The following THBS3 variants were observed in gnomAD, a reference collection of about 807,000 sequenced individuals.
THBS3 encodes thrombospondin 3.
THBS3 carries 78 observed loss-of-function variants against 118.3 expected under a neutral mutation model. That is an observed-to-expected ratio of 0.66 (90% CI 0.55 to 0.80). The LOEUF is 0.80. Ranked by LOEUF, THBS3 falls within the 30% of genes least tolerant of loss-of-function variation. THBS3 has a pLI of 0.00. For missense variants in THBS3, 1,057 were observed against 1,247.4 expected (o/e 0.85, Z 2.30); for synonymous variants, 427 against 475.3 (o/e 0.90, Z 1.32).
At chr1:155,201,369 C>T (rs1373747362) in intron 11 of THBS3, 48 bp downstream of exon 11, 2 of 1,571,146 alleles carry the variant, frequency 1.3e-6, no homozygotes, top group Non-Finnish European at 1.7e-6. Flanking sequence ...AGCCCTACTC[C>T]TTTCCCCAGA....
Position 155,202,514 on chromosome 1 carries a change from A to G in THBS3, c.958-113T>C. 1.4e-6 allele frequency: 2 copies of G among 1,444,492 alleles called. No individual in the cohort carries two copies. Among genetic ancestry groups the G allele is most frequent in the South Asian group, 2.7e-5 (2 of 75,126 alleles). The allele number at this position is 1,444,492 out of a possible 1,614,324, so 89.5% of individuals were successfully genotyped here. ...CTCCCCTTTGTGCAGCTCTCCCCAC[A>G]CAACTGCCTTGTGCTCCTGGTCCCC... On this transcript the variant is annotated intron_variant, in intron 8 of 22. Transcript: ENST00000368378. The surrounding 1 kb of genome is among the most constrained non-coding windows in gnomAD (Gnocchi z 5.5).
At position 155,202,006 on chromosome 1, in the gene THBS3, T is replaced by C; in HGVS notation, c.1127A>G (p.Asp376Gly). ...QVCNDIDECNDGNNGGCDPNS... is the reference protein window; with the variant it reads ...QVCNDIDECNGGNNGGCDPNS... The stretch of plus-strand genomic sequence containing the variant: ...TGGGTCACAGCCACCATTGTTGCCA[T>C]CGTTGCATTCATCGATGTCATTGCA... The change falls in exon 10 of 23, where the codon GAT becomes GGT. Residue 376 changes from aspartate (D) to glycine (G), a missense_variant. By Grantham distance (94) the Asp-to-Gly change is moderately conservative. Transcript: ENST00000368378. This position sits in a 1 kb window ranked among gnomAD's most constrained non-coding sequence, Gnocchi z 5.5. 1 of 1,614,150 alleles carries C rather than the reference T, an allele frequency of 6.2e-7. No homozygotes were observed. The highest frequency in any genetic ancestry group is 8.5e-7 in the Non-Finnish European group (1 of 1,180,020).
At chr1:155,198,658 C>T in intron 16 of THBS3, 56 bp from the exon 17 acceptor site, 1 of 1,557,202 alleles carries the variant, frequency 6.4e-7, no homozygotes, top group Non-Finnish European at 8.8e-7. Flanking sequence ...TTGTCCTTCC[C>T]TTCGCTTCTG....
intron 1 of THBS3, among the ~76,000 whole-genome samples, chr1:155,207,380 G>A (rs756683660): frequency 1.3e-5 from 2 of 152,136 alleles, no homozygotes; most frequent in Non-Finnish European, 2.9e-5. Flanking sequence ...CCAGACCTCC[G>A]GGAGAGCCCA....
At position 155,197,783 on chromosome 1, in the gene THBS3, C is replaced by T; in HGVS notation, c.2302+97G>A. ...CTTGTGCCACTGCCTTCTCTCTCGC[C>T]ACTTTGCCCATTCTCCCTGTCTGTT... On this transcript the variant is annotated intron_variant, in intron 19 of 22. Transcript: ENST00000368378. The surrounding 1 kb of genome is among the most constrained non-coding windows in gnomAD (Gnocchi z 5.0). 1 of 1,597,144 alleles carries T rather than the reference C, an allele frequency of 6.3e-7. No homozygotes were observed. The highest frequency in any genetic ancestry group is 1.3e-5 in the African/African-American group (1 of 74,652).
In THBS3 at chr1:155,195,870, G is replaced by A. The variant is rs778704348; in HGVS notation, c.2842C>T (p.Arg948Trp). Residue 948 changes from arginine to tryptophan, a missense_variant, in exon 23 of 23, where the codon CGG becomes TGG. Physicochemically the swap from Arg to Trp is moderately radical, Grantham distance 101. Coordinates refer to ENST00000368378, the MANE Select transcript of THBS3 (RefSeq NM_007112.5). Reference protein sequence around the residue: ...DTVPEDFEPFRRQLLQGRV With the variant: ...DTVPEDFEPFWRQLLQGRV ...ACCCTTCCCTGGAGCAGCTGCCTCCGGAATGGCTCAAAGTCCTCAGGCACT... is the reference window on the plus strand; with the variant it reads ...ACCCTTCCCTGGAGCAGCTGCCTCCAGAATGGCTCAAAGTCCTCAGGCACT... 2.3e-5 allele frequency: 37 copies of A among 1,613,930 alleles called. No homozygotes were observed. The highest frequency in any genetic ancestry group is 2.9e-5 in the Non-Finnish European group (34 of 1,180,002).
chr1:155,201,284 T>C, intron 11 of THBS3, 80 bp from the exon 12 acceptor site: 2 of 1,595,466 alleles, frequency 1.3e-6, no homozygotes, highest in Non-Finnish European at 1.7e-6. Flanking sequence ...TCAGGTCCTA[T>C]TCTCCCCACC....
rs977784163 is a variant in THBS3, at chr1:155,206,148, G to C, written c.286+52C>G. On this transcript the variant is annotated intron_variant, in intron 2 of 22. Transcript: ENST00000368378. The surrounding 1 kb of genome is among the most constrained non-coding windows in gnomAD (Gnocchi z 4.2). ...AAGCACTTGGGAAGTAGGGATGAGG[G>C]AGAGTGCTTAAGGAGGTCACCATTG... 2 of 1,590,018 alleles carry C rather than the reference G, an allele frequency of 1.3e-6. No individual in the cohort carries two copies. The highest frequency in any genetic ancestry group is 3.3e-5 in the Admixed American group (2 of 59,760).
intron 12 of THBS3, 24 bp downstream of exon 12, chr1:155,201,070 C>T: frequency 6.2e-7 from 1 of 1,614,166 alleles, no homozygotes; most frequent in East Asian, 2.2e-5. Flanking sequence ...CCACTACGCC[C>T]CCTTGCCCGC....
At chr1:155,208,331 A>G (rs1388988766), upstream of THBS3, among the ~76,000 whole-genome samples, 1 of 152,218 alleles carries the variant, frequency 6.6e-6, no homozygotes, top group Non-Finnish European at 1.5e-5. Context: ...GGATGCCCAC[A>G]TGGCATGAAT....
At chr1:155,203,794 G>A (rs747530193) in intron 4 of THBS3, among the ~76,000 whole-genome samples, 33 of 152,088 alleles carry the variant, frequency 2.2e-4, no homozygotes, top group Non-Finnish European at 2.2e-4. Context: ...CATGGTAGTG[G>A]CAGAAGGGAT....
rs528102610 is a variant in THBS3 at position 155,206,672 on chromosome 1, C to A, written c.80-266G>T. ...TCTACTAAAAATACAAAAACAACAA[C>A]AAAAAAGAAAAAAAAACCACCTAGC... On this transcript the variant is annotated intron_variant, in intron 1 of 22. Transcript: ENST00000368378. This position sits in a 1 kb window ranked among gnomAD's most constrained non-coding sequence, Gnocchi z 4.2. Among the ~76,000 whole-genome samples the A allele has an allele frequency of 2.0e-5, 3 of 151,154 alleles. No homozygotes were observed. The highest frequency in any genetic ancestry group is 4.4e-5 in the Non-Finnish European group (3 of 67,718).
In THBS3 at chr1:155,201,123, A is replaced by AG; in HGVS notation, c.1410dup (p.Cys471LeufsTer25). 6.2e-7 allele frequency: 1 copy of AG among 1,614,188 alleles called. No individual in the cohort carries two copies. The highest frequency in any genetic ancestry group is 8.5e-7 in the Non-Finnish European group (1 of 1,180,038). On this transcript the variant is annotated frameshift_variant, in exon 12 of 23. Coordinates refer to ENST00000368378, the MANE Select transcript of THBS3 (RefSeq NM_007112.5). LOFTEE classifies it high-confidence loss of function. ...TTGCAGTGTTTGTTGTTGTCCATGC[A>AG]GGGCAGTGCTTGGTCTGGGTAGCCA...
In THBS3 at chr1:155,195,588, T is replaced by A; in HGVS notation, c.*253A>T. On this transcript the variant is annotated 3_prime_UTR_variant, in exon 23 of 23. Coordinates refer to ENST00000368378, the MANE Select transcript of THBS3 (RefSeq NM_007112.5). ...CCCTAAAATAAGCAGTTGCACTGGC[T>A]TAGAAAACAACCAAAACTTTATGGC... 2.2e-6 allele frequency: 1 copy of A among 448,858 alleles called. No individual in the cohort carries two copies. The highest frequency in any genetic ancestry group is 4.1e-6 in the Non-Finnish European group (1 of 244,684). 27.8% of individuals were successfully genotyped at this position (448,858 alleles called of 1,614,324 possible).
intron 3 of THBS3, 28 bp downstream of exon 3, chr1:155,205,032 C>G (rs764934276): frequency 6.2e-7 from 1 of 1,612,892 alleles, no homozygotes; most frequent in Non-Finnish European, 8.5e-7. Flanking sequence ...TCTATTTCCA[C>G]AGAACTCAGA....
chr1:155,207,937 G>A (rs1670796512), upstream of THBS3: 2 of 1,510,034 alleles, frequency 1.3e-6, no homozygotes, highest in African/African-American at 1.4e-5. Context: ...AAGGCTAGGC[G>A]GAGAGAGCAG....
chr1:155,196,720 G>A (rs1460571392), intron 21 of THBS3: 2 of 330,148 alleles, frequency 6.1e-6, no homozygotes, highest in East Asian at 5.3e-5. Context: ...CCCTATCCAC[G>A]TTGATAAGAC....
At chr1:155,200,702 C>A (rs779642853) in intron 13 of THBS3, 92 bp from the exon 14 acceptor site, 13 of 1,569,354 alleles carry the variant, frequency 8.3e-6, no homozygotes, top group Non-Finnish European at 1.1e-5. Flanking sequence ...TTTCTAAGAT[C>A]ACACCCTTGT....
chr1:155,204,912 G>A lies in THBS3; in HGVS notation c.589C>T (p.Arg197Trp), dbSNP rs748198784. ...GGACACTCACTCAGGGCTCCTACCCGGGCCATGGACCCACCCAGAATAATT... is the reference window on the plus strand; with the variant it reads ...GGACACTCACTCAGGGCTCCTACCCAGGCCATGGACCCACCCAGAATAATT... ...MKIILGGSMA[R>W]VGALSECPFQ... Residue 197 changes from arginine (R) to tryptophan (W), a missense_variant, in exon 4 of 23, where the codon CGG becomes TGG. By Grantham distance (101) the Arg-to-Trp change is moderately radical. This residue lies in a region of THBS3 where 544 missense variants were observed against 715.6 expected (regional missense o/e 0.76). Coordinates refer to ENST00000368378, the MANE Select transcript of THBS3 (RefSeq NM_007112.5). The A allele has an allele frequency of 8.1e-6, 13 of 1,613,794 alleles. No homozygotes were observed. The highest frequency in any genetic ancestry group is 4.5e-5 in the East Asian group (2 of 44,892).
Sources: allele counts gnomAD v4.1 joint callset (sites outside exome capture counted in the v4.1 genomes callset), GRCh38; gene constraint gnomAD v4.1.1; regional missense constraint gnomAD v4.1.1; non-coding constraint Gnocchi (gnomAD v3.1); transcripts MANE v1.5; gene names NCBI Gene and HGNC (gene_info 2026-07-23, HGNC 2026-07-21).